Variants in IGSF22 observed in about 807,000 individuals in gnomAD.
IGSF22 encodes immunoglobulin superfamily, member 22.
Under a neutral mutation model 127.0 loss-of-function variants are expected in IGSF22, and 119 were observed. That is an observed-to-expected ratio of 0.94 (90% CI 0.81 to 1.09). The LOEUF (loss-of-function observed/expected upper bound fraction) is 1.09. IGSF22 is among the 50% of genes least tolerant of loss of function. IGSF22 has a pLI of 0.00. For synonymous variants in IGSF22, 568 were observed against 664.7 expected (o/e 0.85, Z 2.24); for missense variants, 1,518 against 1,716.6 (o/e 0.88, Z 2.04).
Position 18,706,087 on chromosome 11 carries a change from G to A in IGSF22, c.3640C>T (p.Arg1214Cys). The change falls in exon 22 of 23, where the codon CGC becomes TGC. Residue 1214 changes from arginine to cysteine, a missense_variant. Around this residue, in one of 3 missense-constraint regions of IGSF22, gnomAD observed 1,456 missense variants for 1,644.9 expected, o/e 0.89. Transcript: ENST00000513874. Reference sequence around the variant, plus strand: ...TGTGGCTTGAGGGGCGTCACGAAGCGCGGCGCGTGGCGCCAGTCCTTCTTC... The same window carrying A: ...TGTGGCTTGAGGGGCGTCACGAAGCACGGCGCGTGGCGCCAGTCCTTCTTC... Reference protein sequence around the residue: ...YEKKDWRHAPRFVTPLKPHTV... With the variant: ...YEKKDWRHAPCFVTPLKPHTV... 6.5e-7 allele frequency: 1 copy of A among 1,548,698 alleles called. No homozygotes were observed. Among genetic ancestry groups the A allele is most frequent in the Non-Finnish European group, 8.7e-7 (1 of 1,146,856 alleles).
At chr11:18,719,662 T>C in intron 7 of IGSF22, 54 bp downstream of exon 7, 1 of 1,568,808 alleles carries the variant, frequency 6.4e-7, no homozygotes, top group Non-Finnish European at 8.7e-7. Flanking sequence ...ACTAGCACTT[T>C]GGGTGAAGCC....
chr11:18,710,303 AG>A (rs773383363), intron 17 of IGSF22, 23 bp downstream of exon 17: 1 of 1,610,980 alleles, frequency 6.2e-7, no homozygotes, highest in African/African-American at 1.3e-5. Context: ...ATTATGTGTC[AG>A]GACCTGGCAG....
rs1489967140 is a variant in IGSF22 at position 18,710,221 on chromosome 11, A to G, written c.2701+106T>C. On this transcript the variant is annotated intron_variant, in intron 17 of 22. Transcript: ENST00000513874. ...ATGAGGCTGGCAGTTTCCAGAGTGT[A>G]GAGACTGTGATACCTCGTGTCATAC... The G allele has an allele frequency of 4.2e-6, 6 of 1,435,892 alleles. No individual in the cohort carries two copies. The African/African-American group carries it at 8.4e-5, about 20-fold the overall frequency. 88.9% of individuals were successfully genotyped at this position (1,435,892 alleles called of 1,614,324 possible).
At chr11:18,715,852 A>G (rs563095902) in intron 10 of IGSF22, 136 bp from the exon 11 acceptor site, 126 of 975,754 alleles carry the variant, frequency 1.3e-4, no homozygotes, top group South Asian at 2.4e-4. Context: ...GTTTGTGTGT[A>G]ATATGTGACT....
In IGSF22 at chr11:18,716,712, T is replaced by C; in HGVS notation, c.1246+16A>G. ...GCCATAAAGCCCACCCCTTAGGCTC[T>C]TGCCCAACCACTCACGGTCAACAGT... On this transcript the variant is annotated intron_variant, in intron 10 of 22. Coordinates refer to ENST00000513874, the MANE Select transcript of IGSF22 (RefSeq NM_173588.4). This position sits in a 1 kb window ranked among gnomAD's most constrained non-coding sequence, Gnocchi z 4.5. 1 of 1,611,192 alleles carries C rather than the reference T, an allele frequency of 6.2e-7. No homozygotes were observed. The highest frequency in any genetic ancestry group is 1.1e-5 in the South Asian group (1 of 91,034).
intron 15 of IGSF22, 74 bp downstream of exon 15, chr11:18,712,008 A>G: frequency 8.0e-7 from 1 of 1,246,786 alleles, no homozygotes. Context: ...CCCACAGATC[A>G]GTGTTCCTTC....
intron 19 of IGSF22, 64 bp downstream of exon 19, chr11:18,708,143 T>C (rs1848281772): frequency 1.3e-6 from 2 of 1,529,862 alleles, no homozygotes; most frequent in Non-Finnish European, 1.8e-6. Flanking sequence ...GAGACTGTGA[T>C]GGCTACAATA....
Position 18,710,831 on chromosome 11 carries a change from G to A in IGSF22, c.2399-3C>T. On this transcript the variant is annotated splice_polypyrimidine_tract_variant and splice_region_variant and intron_variant, in intron 15 of 22. Coordinates refer to ENST00000513874, the MANE Select transcript of IGSF22 (RefSeq NM_173588.4). ...CTGGGAGGCAAAACCAGGAGGCTCT[G>A]TGGGGGAAAGAGAGAGTGCAAAGGT... The A allele has an allele frequency of 6.2e-7, 1 of 1,611,570 alleles. No individual in the cohort carries two copies. Among genetic ancestry groups the A allele is most frequent in the Non-Finnish European group, 8.5e-7 (1 of 1,177,770 alleles).
chr11:18,718,655 A>T lies in IGSF22; in HGVS notation c.770T>A (p.Met257Lys). 6.2e-7 allele frequency: 1 copy of T among 1,613,684 alleles called. No homozygotes were observed. Among genetic ancestry groups the T allele is most frequent in the Non-Finnish European group, 8.5e-7 (1 of 1,179,570 alleles). The change falls in exon 8 of 23, where the codon ATG becomes AAG. Residue 257 changes from methionine to lysine, a missense_variant. This residue lies in a region of IGSF22 where 1,456 missense variants were observed against 1,644.9 expected (regional missense o/e 0.89). Transcript: ENST00000513874. ...CTTGACATTGGGGTCTTTCAGTTCC[A>T]TTATGCAGTCAAAGACCACTGTGGT... is the stretch of plus-strand genomic sequence containing the variant. ...VDTTVVFDCI[M>K]ELKDPNVKMI...
chr11:18,713,569 G>C (rs1195202089), intron 14 of IGSF22, among the ~76,000 whole-genome samples: 1 of 152,188 alleles, frequency 6.6e-6, no homozygotes, highest in Non-Finnish European at 1.5e-5. Context: ...AGTATATTAT[G>C]TCCTGTGTTC....
At chr11:18,719,174 T>C (rs1848516647) in intron 7 of IGSF22, among the ~76,000 whole-genome samples, 1 of 152,220 alleles carries the variant, frequency 6.6e-6, no homozygotes, top group South Asian at 2.1e-4. Context: ...AGACGGAGTC[T>C]TGCTCTGTCA....
chr11:18,704,777 G>C, intron 22 of IGSF22: 1 of 469,492 alleles, frequency 2.1e-6, no homozygotes, highest in Non-Finnish European at 3.9e-6. Flanking sequence ...AAGAAGATGA[G>C]AAAACAGGCT....
In IGSF22 at chr11:18,706,489, G is replaced by T. The variant is rs924705406; in HGVS notation, c.3581-343C>A. 4 of 411,566 alleles carry T rather than the reference G, an allele frequency of 9.7e-6. No homozygotes were observed. In the East Asian group the frequency reaches 1.8e-4, roughly 18 times the overall value. 25.5% of individuals were successfully genotyped at this position (411,566 alleles called of 1,614,324 possible). A position where few individuals can be genotyped will look rare whatever the true frequency, so the allele number is the denominator to read the frequency against. Reference sequence around the variant, plus strand: ...CAAGCTTCCCCTACGTCATATCAGCGACCACAGTCTCCCCTCTTATCCCTT... The same window carrying T: ...CAAGCTTCCCCTACGTCATATCAGCTACCACAGTCTCCCCTCTTATCCCTT... On this transcript the variant is annotated intron_variant, in intron 21 of 22. Coordinates refer to ENST00000513874, the MANE Select transcript of IGSF22 (RefSeq NM_173588.4).
chr11:18,724,177 G>A lies in IGSF22; in HGVS notation c.60C>T (p.Ser20=), dbSNP rs761194772. ...LQEHVSMEFS[S]STTHVQTFSQ... is the part of the protein sequence containing the mutation. ...AGAAGGTCTGCACGTGGGTGGTGGA[G>A]CTGGAGAACTCCATGGACACGTGCT... The change falls in exon 2 of 23, where the codon AGC becomes AGT. Residue 20 remains serine (S), a synonymous_variant. Coordinates refer to ENST00000513874, the MANE Select transcript of IGSF22 (RefSeq NM_173588.4). 1 of 1,614,024 alleles carries A rather than the reference G, an allele frequency of 6.2e-7. No homozygotes were observed. Among genetic ancestry groups the A allele is most frequent in the Non-Finnish European group, 8.5e-7 (1 of 1,179,908 alleles).
chr11:18,718,782 C>T, intron 7 of IGSF22, 54 bp from the exon 8 acceptor site: 1 of 1,051,590 alleles, frequency 9.5e-7, no homozygotes, highest in Non-Finnish European at 1.5e-6. Flanking sequence ...AAAGCCTGCC[C>T]AGACTGTGTC....
At chr11:18,719,488 G>C (rs191365775) in intron 7 of IGSF22, among the ~76,000 whole-genome samples, 4 of 152,252 alleles carry the variant, frequency 2.6e-5, no homozygotes, top group African/African-American at 7.2e-5. Flanking sequence ...TTTGAATCTC[G>C]GTCTATCTGA....
chr11:18,714,440 G>C, intron 12 of IGSF22, 22 bp from the exon 13 acceptor site: 1 of 1,614,172 alleles, frequency 6.2e-7, no homozygotes, highest in East Asian at 2.2e-5. Flanking sequence ...GGGTGGGCCT[G>C]AGTGTGAGCA....
In IGSF22 at chr11:18,707,024, G is replaced by C. The variant is rs922729846; in HGVS notation, c.3470C>G (p.Thr1157Arg). 6 of 1,551,570 alleles carry C rather than the reference G, an allele frequency of 3.9e-6. No homozygotes were observed. Among genetic ancestry groups the C allele is most frequent in the Non-Finnish European group, 5.2e-6 (6 of 1,146,952 alleles). Residue 1157 changes from threonine to arginine, a missense_variant, in exon 21 of 23, where the codon ACG (threonine) becomes AGG (arginine). Physicochemically the swap from Thr to Arg is moderately conservative, Grantham distance 71 (BLOSUM62 -1). Transcript: ENST00000513874. ...ERVFSNKYTV[T>R]GLLPGRKYYF... ...GTACTTCCTGCCTGGGAGCAGCCCC[G>C]TCACTGTGTACTTGTTGCTGAAGAC...
At chr11:18,708,887 G>A (rs1220166824) in intron 18 of IGSF22, among the ~76,000 whole-genome samples, 1 of 152,202 alleles carries the variant, frequency 6.6e-6, no homozygotes, top group Non-Finnish European at 1.5e-5. Flanking sequence ...CATCACTATT[G>A]TAGAGCCTAA....
Sources: allele counts gnomAD v4.1 joint callset (sites outside exome capture counted in the v4.1 genomes callset), GRCh38; gene constraint gnomAD v4.1.1; regional missense constraint gnomAD v4.1.1; non-coding constraint Gnocchi (gnomAD v3.1); transcripts MANE v1.5; gene names NCBI Gene and HGNC (gene_info 2026-07-23, HGNC 2026-07-21).